The following NEDD4L variants were observed in gnomAD, a reference collection of about 807,000 sequenced individuals.
NEDD4L encodes the protein E3 ubiquitin-protein ligase NEDD4-like.
In NEDD4L, 54 loss-of-function variants were observed where a neutral mutation model predicts 148.9. That is an observed-to-expected ratio of 0.36 (90% CI 0.29 to 0.45). The LOEUF is 0.45. Among genes scored for constraint, NEDD4L ranks in the 20% least tolerant of loss-of-function variants. The probability of loss-of-function intolerance (pLI) is 1.00; values close to 1 mark genes in which losing one functional copy is unlikely to be tolerated. For synonymous variants in NEDD4L, 433 were observed against 440.7 expected (o/e 0.98, Z 0.22); for missense variants, 856 against 1,233.8 (o/e 0.69, Z 4.59).
intron 3 of NEDD4L, among the ~76,000 whole-genome samples, chr18:58,248,526 C>G (rs566050978): frequency 2.6e-5 from 4 of 152,258 alleles, no homozygotes; most frequent in Admixed American, 1.3e-4. Context: ...CTTCGTTACT[C>G]TGCAAAACAG....
chr18:58,075,344 G>A lies in NEDD4L; in HGVS notation c.48+30636G>A, dbSNP rs527440124. Among the ~76,000 whole-genome samples the A allele has an allele frequency of 1.8e-3, 274 of 152,138 alleles. 1 individual carries two copies. Among genetic ancestry groups the A allele is most frequent in the South Asian group, 3.7e-3 (18 of 4,810 alleles). On this transcript the variant is annotated intron_variant, in intron 1 of 30. Transcript: ENST00000400345. The stretch of plus-strand genomic sequence containing the variant: ...TTTTCTACTTTTTTAGTAAAGATGG[G>A]GTTTCTCCATGTTGTCCAGGCTGGT...
intron 23 of NEDD4L, 42 bp downstream of exon 23, chr18:58,370,509 C>A (rs776884836): frequency 7.6e-7 from 1 of 1,312,294 alleles, no homozygotes; most frequent in East Asian, 2.3e-5. Context: ...ACCGGGCACT[C>A]GTGTCTTATG....
rs758747799 is a variant in NEDD4L, at chr18:58,316,011, C to T, written c.327C>T (p.Asp109=). Residue 109 remains aspartate (D), a synonymous_variant, in exon 6 of 31, where the codon GAC becomes GAT. Transcript: ENST00000400345. ...GAGACGACTTCCTGGGCCAGGTGGA[C>T]GTGCCCCTTAGTCACCTTCCGGTAA... ...LTRDDFLGQV[D]VPLSHLPTED... is the part of the protein sequence containing the mutation. The T allele has an allele frequency of 1.2e-5, 20 of 1,613,470 alleles. No homozygotes were observed. Among genetic ancestry groups the T allele is most frequent in the South Asian group, 1.1e-5 (1 of 91,070 alleles).
At chr18:58,383,099 G>T in intron 24 of NEDD4L, 147 bp from the exon 25 acceptor site, 1 of 560,394 alleles carries the variant, frequency 1.8e-6, no homozygotes, top group Non-Finnish European at 3.2e-6. Flanking sequence ...AAGCCTCATT[G>T]GACATTCTCT....
intron 5 of NEDD4L, among the ~76,000 whole-genome samples, chr18:58,314,112 G>A (rs1278065937): frequency 6.6e-6 from 1 of 152,014 alleles, no homozygotes; most frequent in East Asian, 1.9e-4. Flanking sequence ...ATTTATATTA[G>A]CTTTAAAATT....
chr18:58,372,841 AAAAAAAG>A (rs2047061265), intron 23 of NEDD4L, among the ~76,000 whole-genome samples: 1 of 143,994 alleles, frequency 6.9e-6, no homozygotes, highest in African/African-American at 2.7e-5. Context: ...AAAAAAAAAA[AAAAAAAG>A]AGAGAGAGAA....
Position 58,367,842 on chromosome 18 carries a change from C to T in NEDD4L, c.2160C>T (p.Ala720=), listed in dbSNP as rs764770169. 1.6e-5 allele frequency: 26 copies of T among 1,613,750 alleles called. No individual in the cohort carries two copies. The highest frequency in any genetic ancestry group is 2.7e-5 in the African/African-American group (2 of 74,882). Residue 720 remains alanine (A), a synonymous_variant, in exon 22 of 31, where the codon GCC becomes GCT. Coordinates refer to ENST00000400345, the MANE Select transcript of NEDD4L (RefSeq NM_001144967.3). The part of the protein sequence containing the change: ...FTFIGRVAGL[A]VFHGKLLDGF... ...TTATTGGAAGAGTTGCTGGTCTGGC[C>T]GTATTTCATGGGAAGCTCTTAGATG...
chr18:58,060,380 C>G (rs1257680575), intron 1 of NEDD4L, among the ~76,000 whole-genome samples: 1 of 152,132 alleles, frequency 6.6e-6, no homozygotes, highest in African/African-American at 2.4e-5. Flanking sequence ...TTCTGAGTCG[C>G]TGGGATTACA....
intron 5 of NEDD4L, among the ~76,000 whole-genome samples, chr18:58,273,329 A>G (rs2051353028): frequency 6.6e-6 from 1 of 152,264 alleles, no homozygotes; most frequent in South Asian, 2.1e-4. Context: ...TTGTAAAATT[A>G]TGACACATCC....
At chr18:58,122,360 T>C (rs370096286) in intron 1 of NEDD4L, among the ~76,000 whole-genome samples, 66 of 151,984 alleles carry the variant, frequency 4.3e-4, no homozygotes, top group African/African-American at 1.5e-3. Context: ...ATTAGCCGGG[T>C]GTGGTGGCGG....
chr18:58,336,306 G>A (rs763294649), intron 13 of NEDD4L, among the ~76,000 whole-genome samples: 5 of 152,128 alleles, frequency 3.3e-5, no homozygotes, highest in Non-Finnish European at 7.3e-5. Flanking sequence ...GGCCGGGCAC[G>A]GTGGCTCACG....
chr18:58,098,441 G>T (rs952858432), intron 1 of NEDD4L, among the ~76,000 whole-genome samples: 14 of 152,172 alleles, frequency 9.2e-5, no homozygotes, highest in Admixed American at 8.5e-4. Flanking sequence ...CTTTGATCGT[G>T]GAGCGCCATG....
At chr18:58,150,737 C>T (rs928204796) in intron 1 of NEDD4L, among the ~76,000 whole-genome samples, 1 of 152,136 alleles carries the variant, frequency 6.6e-6, no homozygotes, top group Non-Finnish European at 1.5e-5. Context: ...GTGACTGACC[C>T]CTTTGTGAGC....
intron 1 of NEDD4L, among the ~76,000 whole-genome samples, chr18:58,119,750 A>T (rs2086102169): frequency 6.6e-6 from 1 of 152,192 alleles, no homozygotes; most frequent in Non-Finnish European, 1.5e-5. Context: ...TGCACATCAG[A>T]ATCACCTGGG....
chr18:58,045,052 T>G, intron 1 of NEDD4L: 1 of 407,636 alleles, frequency 2.5e-6, no homozygotes, highest in Non-Finnish European at 4.3e-6. Context: ...TGGGCAACTT[T>G]CCGCCTCTCG....
intron 2 of NEDD4L, among the ~76,000 whole-genome samples, chr18:58,223,366 A>G (rs2043982634): frequency 6.6e-6 from 1 of 152,210 alleles, no homozygotes. Flanking sequence ...GAAGGCAGGT[A>G]TGAAATTATA....
chr18:58,086,899 C>G (rs1013841227), intron 1 of NEDD4L, among the ~76,000 whole-genome samples: 1 of 152,248 alleles, frequency 6.6e-6, no homozygotes, highest in Non-Finnish European at 1.5e-5. Flanking sequence ...ATTTCTCACT[C>G]TGTATCCTGC....
At chr18:58,210,433 C>T (rs546304571) in intron 2 of NEDD4L, among the ~76,000 whole-genome samples, 13 of 152,272 alleles carry the variant, frequency 8.5e-5, no homozygotes, top group South Asian at 6.2e-4. Flanking sequence ...CCATGGATTT[C>T]CAGCTGAGGT....
intron 26 of NEDD4L, among the ~76,000 whole-genome samples, chr18:58,386,356 C>T (rs150387163): frequency 5.4e-4 from 82 of 152,270 alleles, no homozygotes; most frequent in African/African-American, 1.9e-3. Context: ...CAGCCATGGA[C>T]ATTTTTTTTT....
Sources: gnomAD v4.1 joint callset for allele counts (sites outside exome capture counted in the v4.1 genomes callset) on GRCh38, gnomAD v4.1.1 for gene constraint, MANE v1.5 for transcripts, NCBI Gene and HGNC (gene_info 2026-07-23, HGNC 2026-07-21) for gene names.